The following CECR2 variants were observed in gnomAD, a reference collection of about 807,000 sequenced individuals.
The protein encoded by CECR2 is CECR2 histone acetyl-lysine reader, also known as chromatin remodeling regulator CECR2.
Under a neutral mutation model 154.5 loss-of-function variants are expected in CECR2, and 30 were observed. That is an observed-to-expected ratio of 0.19 (90% confidence interval 0.15 to 0.26). The LOEUF (loss-of-function observed/expected upper bound fraction) is 0.26, where lower values mean the gene tolerates loss of function less well. Ranked by LOEUF, CECR2 falls within the 10% of genes least tolerant of loss-of-function variation. CECR2 has a pLI of 1.00. For missense variants in CECR2, 1,743 were observed against 1,829.3 expected (o/e 0.95, Z 0.86); for synonymous variants, 725 against 683.7 (o/e 1.06, Z -0.94).
intron 1 of CECR2, chr22:17,418,922 G>A: frequency 5.1e-6 from 1 of 197,986 alleles, no homozygotes; most frequent in Non-Finnish European, 1.1e-5. Flanking sequence ...GGTACATCCT[G>A]GACTGGTGGA....
intron 1 of CECR2, among the ~76,000 whole-genome samples, chr22:17,398,565 G>A (rs1285486879): frequency 6.6e-6 from 1 of 152,170 alleles, no homozygotes; most frequent in African/African-American, 2.4e-5. Context: ...GGAGCCAGAC[G>A]GGGTCTGTTT....
intron 1 of CECR2, among the ~76,000 whole-genome samples, chr22:17,452,262 A>G (rs2054783057): frequency 6.6e-6 from 1 of 152,118 alleles, no homozygotes; most frequent in Non-Finnish European, 1.5e-5. Flanking sequence ...TCGTAGAGAC[A>G]GGGTTTCACC....
chr22:17,509,901 A>G (rs997591310), intron 7 of CECR2, among the ~76,000 whole-genome samples: 1 of 152,230 alleles, frequency 6.6e-6, no homozygotes, highest in African/African-American at 2.4e-5. Flanking sequence ...GAGGTATTAT[A>G]TGATCGTCCT....
chr22:17,524,425 C>G (rs2056219049), intron 9 of CECR2, 154 bp downstream of exon 9: 5 of 815,980 alleles, frequency 6.1e-6, no homozygotes, highest in Non-Finnish European at 8.8e-6. Flanking sequence ...CGGAGTCTCG[C>G]TGTGTCGCCC....
At chr22:17,399,754 A>C (rs183039197) in intron 1 of CECR2, among the ~76,000 whole-genome samples, 1 of 152,216 alleles carries the variant, frequency 6.6e-6, no homozygotes, top group Non-Finnish European at 1.5e-5. Flanking sequence ...GTACACTCAG[A>C]TGCGACTATA....
intron 1 of CECR2, among the ~76,000 whole-genome samples, chr22:17,363,438 G>C (rs1441322839): frequency 1.3e-5 from 2 of 152,124 alleles, no homozygotes; most frequent in Non-Finnish European, 2.9e-5. Flanking sequence ...TCGAACTCCT[G>C]ACCTTATGAT....
At chr22:17,495,735 G>T (rs956968362) in intron 2 of CECR2, among the ~76,000 whole-genome samples, 1 of 150,968 alleles carries the variant, frequency 6.6e-6, no homozygotes, top group African/African-American at 2.4e-5. Flanking sequence ...GGTGGCAGGC[G>T]CCTGTAGTCC....
chr22:17,515,492 C>T (rs1443913090), intron 8 of CECR2, among the ~76,000 whole-genome samples: 1 of 152,188 alleles, frequency 6.6e-6, no homozygotes, highest in African/African-American at 2.4e-5. Context: ...TTGCTTCAGG[C>T]TTTTCCTCTA....
At chr22:17,535,661 T>C (rs530488417) in intron 9 of CECR2, among the ~76,000 whole-genome samples, 112 of 150,030 alleles carry the variant, frequency 7.5e-4, no homozygotes, top group African/African-American at 2.7e-3. Context: ...GTTTTCTTTA[T>C]GGTTGAAATT....
chr22:17,544,497 C>CA (rs34885224), intron 16 of CECR2, among the ~76,000 whole-genome samples: 11,223 of 57,066 alleles, frequency 0.2, 1,030 homozygotes, highest in Non-Finnish European at 0.26. Context: ...GACTCCATCT[C>CA]AAAAAAAAAA....
chr22:17,523,954 A>T (rs550655154), intron 8 of CECR2, among the ~76,000 whole-genome samples, 164 bp from the exon 9 acceptor site: 1 of 152,276 alleles, frequency 6.6e-6, no homozygotes, highest in East Asian at 1.9e-4. Flanking sequence ...TTTAACATTT[A>T]TGTATATCCA....
At chr22:17,542,047 A>G (rs748321363) in intron 15 of CECR2, 80 bp downstream of exon 15, 2 of 1,574,164 alleles carry the variant, frequency 1.3e-6, no homozygotes, top group Non-Finnish European at 1.7e-6. Flanking sequence ...TCCAGGTTAA[A>G]TGTTGTTCAT....
chr22:17,468,175 T>C (rs1363969689), intron 1 of CECR2, among the ~76,000 whole-genome samples: 1 of 152,168 alleles, frequency 6.6e-6, no homozygotes, highest in Non-Finnish European at 1.5e-5. Context: ...GTATGCCCTT[T>C]GTTGTTGTTT....
chr22:17,363,175 G>T (rs1251595002), intron 1 of CECR2, among the ~76,000 whole-genome samples: 1 of 150,348 alleles, frequency 6.7e-6, no homozygotes, highest in Non-Finnish European at 1.5e-5. Flanking sequence ...TTGACTTACC[G>T]AGTAGCTGGG....
At chr22:17,401,835 C>G (rs953029826) in intron 1 of CECR2, among the ~76,000 whole-genome samples, 2 of 141,630 alleles carry the variant, frequency 1.4e-5, no homozygotes, top group African/African-American at 2.7e-5. Flanking sequence ...AACACCCCCC[C>G]CCGCCCCCGC....
chr22:17,541,806 T>G lies in CECR2; in HGVS notation c.1885-33T>G, dbSNP rs1183229070. ...CAACCTAAAGTCTGTGCCTTTCCTT[T>G]TTCCTCTTCTTGCTTTGTTCAATGT... On this transcript the variant is annotated intron_variant, in intron 14 of 18. Transcript: ENST00000262608. 5 of 1,580,242 alleles carry G rather than the reference T, an allele frequency of 3.2e-6. No homozygotes were observed. The East Asian group carries it at 6.8e-5, about 21-fold the overall frequency.
intron 1 of CECR2, among the ~76,000 whole-genome samples, chr22:17,374,994 C>T (rs1465695678): frequency 6.6e-6 from 1 of 152,130 alleles, no homozygotes; most frequent in South Asian, 2.1e-4. Context: ...TGGCCAGATT[C>T]CACAGTGCAC....
intron 1 of CECR2, among the ~76,000 whole-genome samples, chr22:17,391,319 G>T (rs1167504586): frequency 1.3e-5 from 2 of 152,226 alleles, no homozygotes; most frequent in Non-Finnish European, 2.9e-5. Context: ...TAGGCAGGCT[G>T]AAGCCAACCC....
intron 1 of CECR2, among the ~76,000 whole-genome samples, chr22:17,375,214 A>G (rs2063103624): frequency 6.6e-6 from 1 of 152,002 alleles, no homozygotes; most frequent in Non-Finnish European, 1.5e-5. Context: ...CCTGGGTTCA[A>G]GCGATTCTCC....
Sources: gnomAD v4.1 joint callset for allele counts (sites outside exome capture counted in the v4.1 genomes callset) on GRCh38, gnomAD v4.1.1 for gene constraint, MANE v1.5 for transcripts, NCBI Gene and HGNC (gene_info 2026-07-23, HGNC 2026-07-21) for gene names.